The following ESRRG variants were observed in gnomAD, a reference collection of about 807,000 sequenced individuals.
ESRRG encodes the protein estrogen related receptor gamma.
A neutral mutation model predicts 44.0 loss-of-function variants in ESRRG; 13 were observed. That is an observed-to-expected ratio of 0.30 (90% CI 0.19 to 0.47). The LOEUF (loss-of-function observed/expected upper bound fraction) is 0.47. Ranked by LOEUF, ESRRG falls within the 20% of genes least tolerant of loss-of-function variation. The probability of loss-of-function intolerance (pLI) is 1.00; values close to 1 mark genes in which losing one functional copy is unlikely to be tolerated. For missense variants in ESRRG, 395 were observed against 580.6 expected (o/e 0.68, Z 3.29); for synonymous variants, 215 against 214.6 (o/e 1.00, Z -0.02).
chr1:217,044,752 A>G (rs556187040), intron 1 of ESRRG, among the ~76,000 whole-genome samples: 1 of 152,356 alleles, frequency 6.6e-6, no homozygotes, highest in Admixed American at 6.5e-5. Context: ...CAGCAAAAAC[A>G]GCCACCAGAA....
At chr1:216,549,917 G>C (rs2055760468) in intron 5 of ESRRG, among the ~76,000 whole-genome samples, 1 of 151,990 alleles carries the variant, frequency 6.6e-6, no homozygotes, top group African/African-American at 2.4e-5. Context: ...ATTGGAGCTG[G>C]CACTGCCAGC....
intron 2 of ESRRG, among the ~76,000 whole-genome samples, chr1:216,902,423 A>T (rs2059187448): frequency 6.6e-6 from 1 of 151,828 alleles, no homozygotes; most frequent in Non-Finnish European, 1.5e-5. Context: ...CAGGAGGCAG[A>T]GGTTGCAGTG....
chr1:217,085,004 A>C (rs780838425), intron 1 of ESRRG, among the ~76,000 whole-genome samples: 6 of 152,202 alleles, frequency 3.9e-5, no homozygotes, highest in Non-Finnish European at 7.3e-5. Flanking sequence ...ACATCTGTAT[A>C]TGGTATACAT....
In ESRRG at chr1:216,677,385, G is replaced by T; in HGVS notation, c.163C>A (p.His55Asn). ...SPASLTDSVNHHSPGGSSDAS... is the reference protein window; with the variant it reads ...SPASLTDSVNNHSPGGSSDAS... The stretch of plus-strand genomic sequence containing the variant: ...TCTGAAGAGCCACCAGGGCTGTGGT[G>T]GTTGACGCTGTCCGTCAGGGAGGCT... The change falls in exon 2 of 7, where the codon CAC becomes AAC. Residue 55 changes from histidine to asparagine, a missense_variant. Coordinates refer to ENST00000408911, the MANE Select transcript of ESRRG (RefSeq NM_001438.4). 6.2e-7 allele frequency: 1 copy of T among 1,614,154 alleles called. No homozygotes were observed. Among genetic ancestry groups the T allele is most frequent in the East Asian group, 2.2e-5 (1 of 44,878 alleles).
chr1:216,654,441 T>A (rs894945354), intron 2 of ESRRG, among the ~76,000 whole-genome samples: 6 of 151,760 alleles, frequency 4.0e-5, no homozygotes, highest in African/African-American at 1.5e-4. Context: ...ACGAGCCTGA[T>A]CAACATGGTG....
intron 2 of ESRRG, among the ~76,000 whole-genome samples, chr1:216,658,922 AG>A (rs1184782726): frequency 7.1e-4 from 104 of 146,682 alleles, no homozygotes; most frequent in African/African-American, 2.7e-3. Context: ...AGAGAAATAA[AG>A]AAAAGAAAAG....
At chr1:216,559,911 A>G (rs1369946890) in intron 5 of ESRRG, among the ~76,000 whole-genome samples, 3 of 152,166 alleles carry the variant, frequency 2.0e-5, no homozygotes, top group Non-Finnish European at 4.4e-5. Context: ...TTTATACCCT[A>G]AATGTAGAAA....
At chr1:216,817,664 T>C (rs2095180767) in intron 2 of ESRRG, among the ~76,000 whole-genome samples, 1 of 152,210 alleles carries the variant, frequency 6.6e-6, no homozygotes, top group African/African-American at 2.4e-5. Context: ...CCTTTAATGA[T>C]GCTGTATATA....
intron 1 of ESRRG, among the ~76,000 whole-genome samples, chr1:216,720,393 C>G (rs1575730932): frequency 6.6e-6 from 1 of 152,082 alleles, no homozygotes; most frequent in African/African-American, 2.4e-5. Flanking sequence ...AAATAAAAAA[C>G]AAAACATGAA....
At chr1:216,684,246 A>C (rs1223034482) in intron 1 of ESRRG, among the ~76,000 whole-genome samples, 1 of 152,146 alleles carries the variant, frequency 6.6e-6, no homozygotes, top group Non-Finnish European at 1.5e-5. Flanking sequence ...TTGCCAGGTG[A>C]TTTCTTATGC....
intron 1 of ESRRG, among the ~76,000 whole-genome samples, chr1:216,980,386 C>T (rs1402331944): frequency 6.6e-6 from 1 of 152,152 alleles, no homozygotes; most frequent in African/African-American, 2.4e-5. Flanking sequence ...TGAGACAATG[C>T]ACAATGTTTT....
chr1:216,721,817 G>T (rs1162439647), intron 1 of ESRRG, among the ~76,000 whole-genome samples: 3 of 152,116 alleles, frequency 2.0e-5, no homozygotes, highest in South Asian at 2.1e-4. Flanking sequence ...ACACTTGAGC[G>T]GGCAGTCTTA....
chr1:216,652,899 A>G (rs960328481), intron 2 of ESRRG, among the ~76,000 whole-genome samples: 6 of 152,130 alleles, frequency 3.9e-5, no homozygotes, highest in Non-Finnish European at 7.4e-5. Context: ...CTCCCCCTAT[A>G]CTTACTTAAA....
chr1:216,886,859 G>A (rs2096524833), intron 2 of ESRRG, among the ~76,000 whole-genome samples: 1 of 152,016 alleles, frequency 6.6e-6, no homozygotes, highest in African/African-American at 2.4e-5. Flanking sequence ...AAATAGCTGG[G>A]ACTACGGGCG....
intron 3 of ESRRG, among the ~76,000 whole-genome samples, chr1:216,580,726 A>G (rs747698771): frequency 2.0e-5 from 3 of 152,220 alleles, no homozygotes; most frequent in African/African-American, 7.2e-5. Flanking sequence ...GTACTTAAAA[A>G]GATGGAATTG....
intron 1 of ESRRG, among the ~76,000 whole-genome samples, chr1:217,002,757 A>G (rs2077210366): frequency 6.6e-6 from 1 of 152,102 alleles, no homozygotes; most frequent in African/African-American, 2.4e-5. Flanking sequence ...AGAGGAACCA[A>G]TTTGCCAGCC....
chr1:217,137,642 G>A (rs1431056436), intron 1 of ESRRG: 1 of 152,498 alleles, frequency 6.6e-6, no homozygotes, highest in African/African-American at 2.4e-5. Flanking sequence ...ATCGCTGCCG[G>A]GCTTGTGCGC....
chr1:216,780,533 T>C (rs764646289), intron 2 of ESRRG, among the ~76,000 whole-genome samples: 1 of 152,052 alleles, frequency 6.6e-6, no homozygotes, highest in Non-Finnish European at 1.5e-5. Context: ...TGTGTGTACA[T>C]TATCTCTCTG....
At position 216,900,689 on chromosome 1, in the gene ESRRG, C is replaced by A. The variant is rs146072735; in HGVS notation, c.-14+38893G>T. Among the ~76,000 whole-genome samples, 22 of 152,190 alleles carry A rather than the reference C, an allele frequency of 1.4e-4. No homozygotes were observed. In the East Asian group the frequency reaches 4.2e-3, roughly 29 times the overall value. ...GGACCTTGACACTTTAAGGAGTGGA[C>A]CAAGGGTAGATTATATAATAACATT... On this transcript the variant is annotated intron_variant, in intron 2 of 7. Transcript: ENST00000359162.
Sources: allele counts gnomAD v4.1 joint callset (sites outside exome capture counted in the v4.1 genomes callset), GRCh38; gene constraint gnomAD v4.1.1; transcripts MANE v1.5; gene names NCBI Gene and HGNC (gene_info 2026-07-23, HGNC 2026-07-21).